RPA2: variants seen among roughly 807,000 people sequenced by gnomAD.
RPA2 encodes the protein replication protein A 32 kDa subunit.
RPA2 carries 22 observed loss-of-function variants against 33.4 expected under a neutral mutation model. The observed-to-expected ratio is 0.66, with a 90% CI of 0.47 to 0.94. RPA2 has a LOEUF of 0.94. Ranked by LOEUF, RPA2 falls within the 40% of genes least tolerant of loss-of-function variation. The pLI is 0.00. For synonymous variants in RPA2, 109 were observed against 114.9 expected, an observed-to-expected ratio of 0.95 and a Z score of 0.33; for missense variants, 279 against 329.9, an observed-to-expected ratio of 0.85 and a Z score of 1.19.
chr1:27,903,032 T>C (rs1162647139), intron 4 of RPA2, among the ~76,000 whole-genome samples: 2 of 150,006 alleles, frequency 1.3e-5, no homozygotes, highest in African/African-American at 5.1e-5. Context: ...CAGCTTCAAC[T>C]GATTCTCCTG....
chr1:27,895,401 G>A (rs1437895600), intron 6 of RPA2, among the ~76,000 whole-genome samples: 7 of 151,866 alleles, frequency 4.6e-5, no homozygotes. Context: ...CAGCCTGAGT[G>A]ACAGAGTGAG....
chr1:27,897,795 A>C, intron 4 of RPA2, 88 bp from the exon 5 acceptor site: 1 of 917,812 alleles, frequency 1.1e-6, no homozygotes, highest in Non-Finnish European at 1.6e-6. Context: ...TAGAAAGAGA[A>C]AGTTACGAAG....
intron 2 of RPA2, among the ~76,000 whole-genome samples, chr1:27,908,465 T>C (rs1369463792): frequency 6.6e-6 from 1 of 151,780 alleles, no homozygotes; most frequent in African/African-American, 2.4e-5. Context: ...CAGGATAGGG[T>C]AGGCAGAACA....
intron 6 of RPA2, among the ~76,000 whole-genome samples, chr1:27,895,494 T>C (rs2089878998): frequency 6.6e-6 from 1 of 151,680 alleles, no homozygotes; most frequent in Non-Finnish European, 1.5e-5. Context: ...GACGGGCAGA[T>C]CACGAGGTCA....
At chr1:27,900,091 C>T (rs185305290) in intron 4 of RPA2, among the ~76,000 whole-genome samples, 2 of 152,256 alleles carry the variant, frequency 1.3e-5, no homozygotes, top group East Asian at 1.9e-4. Context: ...TTACAGGCGT[C>T]AGCCACCGAA....
At chr1:27,907,104 T>A in intron 3 of RPA2, 63 bp from the exon 4 acceptor site, 2 of 1,572,664 alleles carry the variant, frequency 1.3e-6, no homozygotes, top group Non-Finnish European at 8.6e-7. Flanking sequence ...CAAGGCTACA[T>A]TTTTGTATTT....
chr1:27,907,098 G>C lies in RPA2; in HGVS notation c.220-57C>G, dbSNP rs2148660067. 3.8e-6 allele frequency: 6 copies of C among 1,568,598 alleles called. No individual in the cohort carries two copies. In the South Asian group the frequency reaches 5.8e-5, roughly 15 times the overall value. On this transcript the variant is annotated intron_variant, in intron 3 of 8. Coordinates refer to ENST00000373912, the MANE Select transcript of RPA2 (RefSeq NM_002946.5). ...AGGTCTGGTTCCCCCTGAAACCAAG[G>C]CTACATTTTTGTATTTTTTAATGAA...
rs569306885 is a variant in RPA2 at position 27,899,751 on chromosome 1, G to A, written c.334-2044C>T. 9.9e-5 allele frequency among the ~76,000 whole-genome samples: 15 copies of A among 152,128 alleles called. No individual in the cohort carries two copies. The East Asian group carries it at 2.7e-3, about 28-fold the overall frequency. ...GCTGGAGTGCAGTGGTGGGATCTCAGCTCACTGCAAGCTCCGCCTTATGGG... is the reference window on the plus strand; with the variant it reads ...GCTGGAGTGCAGTGGTGGGATCTCAACTCACTGCAAGCTCCGCCTTATGGG... On this transcript the variant is annotated intron_variant, in intron 4 of 8. Coordinates refer to ENST00000373912, the MANE Select transcript of RPA2 (RefSeq NM_002946.5).
intron 2 of RPA2, among the ~76,000 whole-genome samples, chr1:27,909,278 C>T (rs2090068770): frequency 6.6e-6 from 1 of 152,196 alleles, no homozygotes; most frequent in African/African-American, 2.4e-5. Context: ...ATCCACGACA[C>T]TGCCAATATT....
intron 4 of RPA2, among the ~76,000 whole-genome samples, chr1:27,902,788 C>CT (rs1382366514): frequency 1.4e-5 from 2 of 144,114 alleles, no homozygotes; most frequent in South Asian, 2.1e-4. Flanking sequence ...GGTATGGAAA[C>CT]TAACTGGGCA....
intron 4 of RPA2, among the ~76,000 whole-genome samples, chr1:27,898,325 T>C (rs2089917994): frequency 6.6e-6 from 1 of 152,194 alleles, no homozygotes; most frequent in Non-Finnish European, 1.5e-5. Flanking sequence ...CACATTTCTA[T>C]ATAATAGGAT....
intron 6 of RPA2, among the ~76,000 whole-genome samples, chr1:27,894,901 T>C (rs2089870564): frequency 6.6e-6 from 1 of 152,190 alleles, no homozygotes; most frequent in African/African-American, 2.4e-5. Context: ...CATATTTGGG[T>C]TGTCCCCCAG....
chr1:27,896,033 T>G (rs946732556), intron 6 of RPA2, among the ~76,000 whole-genome samples: 2 of 152,042 alleles, frequency 1.3e-5, no homozygotes, highest in African/African-American at 4.8e-5. Flanking sequence ...CCTGTTTTAT[T>G]TACTTCAGAG....
At chr1:27,901,914 C>G (rs916913577) in intron 4 of RPA2, among the ~76,000 whole-genome samples, 3 of 151,586 alleles carry the variant, frequency 2.0e-5, no homozygotes, top group African/African-American at 4.8e-5. Flanking sequence ...TATAAGAGGT[C>G]ACTATAATCA....
At chr1:27,900,286 AT>A in intron 4 of RPA2, among the ~76,000 whole-genome samples, 1 of 151,822 alleles carries the variant, frequency 6.6e-6, no homozygotes. Context: ...TAGTTTTTGC[AT>A]TTTTAGTAGA....
At chr1:27,910,094 G>A (rs1339783600) in intron 2 of RPA2, among the ~76,000 whole-genome samples, 1 of 152,058 alleles carries the variant, frequency 6.6e-6, no homozygotes, top group Non-Finnish European at 1.5e-5. Flanking sequence ...GATTTTCATT[G>A]TATCTTCAGC....
rs1269513184 is a variant in RPA2 at position 27,897,124 on chromosome 1, A to G, written c.409-3T>C. On this transcript the variant is annotated splice_region_variant and splice_polypyrimidine_tract_variant and intron_variant, in intron 5 of 8. Transcript: ENST00000373912. Reference sequence around the variant, plus strand: ...AAGGCTACCAGGCTCTTTTTGTTCTATTAAAATGAAGGAAAAAAATGTGAA... The same window carrying G: ...AAGGCTACCAGGCTCTTTTTGTTCTGTTAAAATGAAGGAAAAAAATGTGAA... 6.2e-7 allele frequency: 1 copy of G among 1,601,620 alleles called. No individual in the cohort carries two copies. Among genetic ancestry groups the G allele is most frequent in the East Asian group, 2.2e-5 (1 of 44,822 alleles).
intron 2 of RPA2, among the ~76,000 whole-genome samples, chr1:27,910,849 A>C (rs896162572): frequency 3.9e-5 from 6 of 152,094 alleles, no homozygotes; most frequent in Non-Finnish European, 5.9e-5. Context: ...TGAAAGTGAG[A>C]CGGTCTCAAT....
chr1:27,895,532 G>A (rs374167339), intron 6 of RPA2, among the ~76,000 whole-genome samples: 92 of 152,060 alleles, frequency 6.1e-4, no homozygotes, highest in African/African-American at 2.1e-3. Flanking sequence ...TGGCTAACAC[G>A]GTGAAACCCC....
Sources: allele counts gnomAD v4.1 joint callset (sites outside exome capture counted in the v4.1 genomes callset), GRCh38; gene constraint gnomAD v4.1.1; transcripts MANE v1.5; gene names NCBI Gene and HGNC (gene_info 2026-07-23, HGNC 2026-07-21).